Variants in RFC3 observed in about 807,000 individuals in gnomAD.
The protein encoded by RFC3 is replication factor C subunit 3.
RFC3 carries 41 observed loss-of-function variants against 45.1 expected under a neutral mutation model. That is an observed-to-expected ratio of 0.91 (90% CI 0.71 to 1.18). RFC3 has a LOEUF of 1.18. Among genes scored for constraint, RFC3 ranks in the 50% most tolerant of loss-of-function variants. The pLI, the probability that RFC3 is intolerant of heterozygous loss-of-function variation, is 0.00. For synonymous variants in RFC3, 149 were observed against 144.0 expected (o/e 1.03, Z -0.25); for missense variants, 423 against 428.1 (o/e 0.99, Z 0.10).
rs539533227 is a variant in RFC3 at position 33,865,249 on chromosome 13, AT to A, written c.879+30033del. On this transcript the variant is annotated intron_variant, in intron 8 of 8. Coordinates refer to the RFC3 transcript ENST00000434425. ...AGTTCTATAAAAAATATGAAAAAAA[AT>A]ATTTCTATAATGATTGTGGAAATTG... Among the ~76,000 whole-genome samples the A allele has an allele frequency of 1.2e-4, 19 of 152,296 alleles. No individual in the cohort carries two copies. In the South Asian group the frequency reaches 3.7e-3, roughly 30 times the overall value.
intron 6 of RFC3, 45 bp downstream of exon 6, chr13:33,830,900 C>G: frequency 6.4e-7 from 1 of 1,561,286 alleles, no homozygotes; most frequent in Non-Finnish European, 8.7e-7. Flanking sequence ...GGCCCCCAAG[C>G]TTTTTGGCAC....
chr13:33,826,252 T>A (rs2082048117), intron 4 of RFC3, among the ~76,000 whole-genome samples: 1 of 152,188 alleles, frequency 6.6e-6, no homozygotes, highest in Admixed American at 6.5e-5. Context: ...CCAAGCATTT[T>A]TTTCTATATA....
intron 8 of RFC3, among the ~76,000 whole-genome samples, chr13:33,936,388 T>C (rs1311511891): frequency 1.3e-5 from 2 of 152,094 alleles, no homozygotes; most frequent in African/African-American, 4.8e-5. Context: ...GATGCTATTA[T>C]GGGTTGAATT....
At chr13:33,946,493 A>T (rs1355480752) in intron 8 of RFC3, among the ~76,000 whole-genome samples, 1 of 152,204 alleles carries the variant, frequency 6.6e-6, no homozygotes, top group Non-Finnish European at 1.5e-5. Flanking sequence ...AATGATAAAT[A>T]CATTTATTAT....
chr13:33,898,516 G>A (rs1450861480), intron 8 of RFC3, among the ~76,000 whole-genome samples: 1 of 151,912 alleles, frequency 6.6e-6, no homozygotes, highest in Non-Finnish European at 1.5e-5. Flanking sequence ...GCAGTGTTAA[G>A]AGGAAAGTTT....
chr13:33,965,840 G>C (rs1226907319), intron 8 of RFC3, among the ~76,000 whole-genome samples: 1 of 152,130 alleles, frequency 6.6e-6, no homozygotes, highest in African/African-American at 2.4e-5. Context: ...AGGTGTCCTT[G>C]ACATATGCCC....
At chr13:33,892,702 G>A (rs2082571179) in intron 8 of RFC3, among the ~76,000 whole-genome samples, 1 of 152,032 alleles carries the variant, frequency 6.6e-6, no homozygotes, top group Non-Finnish European at 1.5e-5. Context: ...AAATAGCAGT[G>A]TAGAAGCAAG....
chr13:33,895,047 A>G (rs1300694275), intron 8 of RFC3, among the ~76,000 whole-genome samples: 1 of 152,192 alleles, frequency 6.6e-6, no homozygotes, highest in East Asian at 1.9e-4. Context: ...AACCATAAAA[A>G]TTCTAGAAGA....
rs373375761 is a variant in RFC3 at position 33,866,196 on chromosome 13, C to T, written c.879+30979C>T. ...TCTTAGAAGGAACTGTCTTCACCAA[C>T]GCTTTCACAAATATATTGTTGAGGT... is the stretch of plus-strand genomic sequence containing the variant. On this transcript the variant is annotated intron_variant, in intron 8 of 8. Transcript: ENST00000434425. Among the ~76,000 whole-genome samples the T allele has an allele frequency of 3.3e-5, 5 of 152,366 alleles. No individual in the cohort carries two copies. In the South Asian group the frequency reaches 6.2e-4, roughly 19 times the overall value.
intron 1 of RFC3, among the ~76,000 whole-genome samples, chr13:33,819,901 G>T (rs1050622112): frequency 6.6e-6 from 1 of 152,118 alleles, no homozygotes; most frequent in African/African-American, 2.4e-5. Flanking sequence ...AAAAAACAAG[G>T]CAGTAAGTGT....
At chr13:33,869,336 T>C (rs1323340553) in intron 8 of RFC3, among the ~76,000 whole-genome samples, 1 of 152,154 alleles carries the variant, frequency 6.6e-6, no homozygotes, top group Non-Finnish European at 1.5e-5. Flanking sequence ...TAACATTTGA[T>C]TTCCATCTAG....
At position 33,856,399 on chromosome 13, in the gene RFC3, C is replaced by G. The variant is rs140060126; in HGVS notation, c.879+21182C>G. Among the ~76,000 whole-genome samples, 13 of 152,156 alleles carry G rather than the reference C, an allele frequency of 8.5e-5. No homozygotes were observed. In the East Asian group the frequency reaches 2.3e-3, roughly 27 times the overall value. On this transcript the variant is annotated intron_variant, in intron 8 of 8. Coordinates refer to the RFC3 transcript ENST00000434425. ...AACGAATGGGTATTAGGCTTAATAC[C>G]TGGATGATGAGATAATCTGTACAAC... is the stretch of plus-strand genomic sequence containing the variant.
chr13:33,823,461 G>C (rs1321871830), intron 2 of RFC3, among the ~76,000 whole-genome samples: 1 of 152,180 alleles, frequency 6.6e-6, no homozygotes, highest in Non-Finnish European at 1.5e-5. Flanking sequence ...AATTGTCTGA[G>C]AGGGATTGCC....
At chr13:33,952,154 A>C (rs1266023088) in intron 8 of RFC3, among the ~76,000 whole-genome samples, 1 of 152,256 alleles carries the variant, frequency 6.6e-6, no homozygotes, top group African/African-American at 2.4e-5. Context: ...ATGTCTGGAG[A>C]ATATTTTTCT....
At chr13:33,944,244 T>A (rs1269567785) in intron 8 of RFC3, among the ~76,000 whole-genome samples, 1 of 152,222 alleles carries the variant, frequency 6.6e-6, no homozygotes, top group Non-Finnish European at 1.5e-5. Flanking sequence ...CTTTTTCTTG[T>A]GCAATTAAAA....
rs2082157378 is a variant in RFC3 at position 33,836,604 on chromosome 13, G to C, written c.*309G>C. On this transcript the variant is annotated 3_prime_UTR_variant, in exon 9 of 9. Coordinates refer to ENST00000380071, the MANE Select transcript of RFC3 (RefSeq NM_002915.4). ...TTCTCTTCCGTCTAATCTCTCACCT[G>C]CTAAAGGAGATTTACACATTAGAAA... is the stretch of plus-strand genomic sequence containing the variant. 2.9e-6 allele frequency: 3 copies of C among 1,033,206 alleles called. No homozygotes were observed. Among genetic ancestry groups the C allele is most frequent in the Non-Finnish European group, 3.5e-6 (3 of 860,302 alleles). 64.0% of individuals were successfully genotyped at this position (1,033,206 alleles called of 1,614,324 possible).
chr13:33,903,010 G>A (rs745631466), intron 8 of RFC3, among the ~76,000 whole-genome samples: 15 of 152,092 alleles, frequency 9.9e-5, no homozygotes, highest in South Asian at 4.2e-4. Flanking sequence ...GCCGCATGTG[G>A]CCTGTGCGCC....
chr13:33,925,503 CATACATACATAGTGTACTAT>C (rs2082803520), intron 8 of RFC3, among the ~76,000 whole-genome samples: 2 of 138,522 alleles, frequency 1.4e-5, no homozygotes, highest in East Asian at 4.2e-4. Flanking sequence ...GTACTATATA[CATACATACATAGTGTACTAT>C]ATACATACAT....
chr13:33,956,643 A>G (rs758312973), intron 8 of RFC3, among the ~76,000 whole-genome samples: 7 of 152,238 alleles, frequency 4.6e-5, no homozygotes, highest in Non-Finnish European at 8.8e-5. Context: ...TCAAGAACAC[A>G]TAAAGAAGAG....
Sources: allele counts gnomAD v4.1 joint callset (sites outside exome capture counted in the v4.1 genomes callset), GRCh38; gene constraint gnomAD v4.1.1; transcripts MANE v1.5; gene names NCBI Gene and HGNC (gene_info 2026-07-23, HGNC 2026-07-21).